Variants in HEATR5B observed in about 807,000 individuals in gnomAD.
HEATR5B encodes HEAT repeat-containing protein 5B.
In HEATR5B, 156 loss-of-function variants were observed where a neutral mutation model predicts 224.1. The ratio of observed to expected loss-of-function variants is 0.70; its 90% CI spans 0.61 to 0.80. HEATR5B has a LOEUF of 0.80. HEATR5B is among the 30% of genes least tolerant of loss of function. The pLI, the probability that HEATR5B is intolerant of heterozygous loss-of-function variation, is 0.00. For synonymous variants in HEATR5B, 1,027 were observed against 893.0 expected (o/e 1.15, Z -2.68); for missense variants, 2,323 against 2,535.5 (o/e 0.92, Z 1.80).
intron 30 of HEATR5B, among the ~76,000 whole-genome samples, chr2:37,005,402 T>A (rs1667346283): frequency 6.6e-6 from 1 of 152,100 alleles, no homozygotes; most frequent in Non-Finnish European, 1.5e-5. Flanking sequence ...TGTACCTATC[T>A]CCTAATTCAG....
intron 18 of HEATR5B, among the ~76,000 whole-genome samples, chr2:37,044,092 C>CT (rs1388880066): frequency 1.3e-5 from 2 of 152,076 alleles, no homozygotes; most frequent in Admixed American, 1.3e-4. Context: ...ATTTTACATT[C>CT]TTTTTTTGAA....
intron 13 of HEATR5B, 110 bp from the exon 14 acceptor site, chr2:37,058,670 T>C: frequency 1.3e-6 from 1 of 759,822 alleles, no homozygotes; most frequent in Non-Finnish European, 2.2e-6. Flanking sequence ...AAGTATACAC[T>C]TTCATTTTAG....
At chr2:37,029,163 G>C (rs1051936499) in intron 22 of HEATR5B, among the ~76,000 whole-genome samples, 1 of 152,176 alleles carries the variant, frequency 6.6e-6, no homozygotes, top group Non-Finnish European at 1.5e-5. Flanking sequence ...AAATCTCAGG[G>C]AACTCTCAAT....
chr2:37,051,369 A>AG (rs1670537949), intron 17 of HEATR5B, among the ~76,000 whole-genome samples: 1 of 151,770 alleles, frequency 6.6e-6, no homozygotes, highest in African/African-American at 2.4e-5. Flanking sequence ...AAAAAAAAAA[A>AG]AAAAAAAAAG....
chr2:37,011,398 G>A (rs959434489), intron 27 of HEATR5B, among the ~76,000 whole-genome samples: 25 of 152,182 alleles, frequency 1.6e-4, no homozygotes, highest in African/African-American at 5.3e-4. Flanking sequence ...TGCAGGCAAT[G>A]GGGAAGCAAG....
chr2:37,009,271 A>G (rs1173266623), intron 27 of HEATR5B, among the ~76,000 whole-genome samples: 1 of 151,214 alleles, frequency 6.6e-6, no homozygotes, highest in Non-Finnish European at 1.5e-5. Flanking sequence ...AAAAAAAAAA[A>G]AAAAAAAAAG....
intron 35 of HEATR5B, 108 bp downstream of exon 35, chr2:36,988,538 A>G: frequency 2.2e-6 from 2 of 922,298 alleles, no homozygotes; most frequent in Non-Finnish European, 3.2e-6. Context: ...GGGACTCCCA[A>G]AGTGTAAGCC....
intron 24 of HEATR5B, among the ~76,000 whole-genome samples, chr2:37,026,216 G>A (rs183432121): frequency 1.3e-5 from 2 of 152,078 alleles, no homozygotes; most frequent in African/African-American, 2.4e-5. Flanking sequence ...CAGGGAGTGC[G>A]GGCAGCATAT....
intron 14 of HEATR5B, 109 bp from the exon 15 acceptor site, chr2:37,057,589 C>T: frequency 1.5e-6 from 1 of 655,116 alleles, no homozygotes; most frequent in Non-Finnish European, 2.5e-6. Context: ...ATAATTAAGT[C>T]TCTGTTCTCT....
intron 6 of HEATR5B, among the ~76,000 whole-genome samples, chr2:37,071,633 T>C (rs1428567462): frequency 6.6e-6 from 1 of 152,040 alleles, no homozygotes; most frequent in Non-Finnish European, 1.5e-5. Flanking sequence ...CTGTACATTA[T>C]CATCACAAAA....
chr2:36,996,424 C>T (rs1321277365), intron 33 of HEATR5B, among the ~76,000 whole-genome samples: 3 of 148,368 alleles, frequency 2.0e-5, no homozygotes, highest in East Asian at 2.0e-4. Context: ...GTGTTCTTTT[C>T]TTTCTTTTTT....
At chr2:36,984,509 G>A (rs1242756425) in intron 35 of HEATR5B, among the ~76,000 whole-genome samples, 12 of 151,604 alleles carry the variant, frequency 7.9e-5, no homozygotes, top group Admixed American at 7.9e-4. Context: ...TCTATGAAGG[G>A]TAAAATCGGA....
intron 21 of HEATR5B, among the ~76,000 whole-genome samples, chr2:37,037,517 G>C (rs1669572982): frequency 6.6e-6 from 1 of 151,926 alleles, no homozygotes. Flanking sequence ...GAGAACACCA[G>C]TGAATAAAAT....
chr2:37,069,025 C>T (rs1671755006), intron 7 of HEATR5B, 95 bp from the exon 8 acceptor site: 5 of 1,255,204 alleles, frequency 4.0e-6, no homozygotes. Flanking sequence ...TAACAGCATG[C>T]TGAATGAATT....
chr2:37,057,010 C>T (rs1393919692), intron 15 of HEATR5B, among the ~76,000 whole-genome samples: 1 of 152,128 alleles, frequency 6.6e-6, no homozygotes. Context: ...CAACCTGTCA[C>T]AAAACAAAAC....
intron 27 of HEATR5B, among the ~76,000 whole-genome samples, chr2:37,011,967 G>A (rs1196853874): frequency 3.3e-5 from 5 of 151,934 alleles, no homozygotes; most frequent in Non-Finnish European, 7.4e-5. Context: ...TTCTAAAAAG[G>A]TTCTATATTT....
intron 32 of HEATR5B, among the ~76,000 whole-genome samples, chr2:37,001,741 G>A (rs1179453714): frequency 2.6e-5 from 4 of 151,208 alleles, no homozygotes; most frequent in African/African-American, 9.7e-5. Flanking sequence ...TCGGCTCACT[G>A]CAGCCTCTGC....
rs745686350 is a variant in HEATR5B, at chr2:37,053,604, T to C, written c.2403A>G (p.Leu801=). 1 of 1,591,026 alleles carries C rather than the reference T, an allele frequency of 6.3e-7. No homozygotes were observed. Among genetic ancestry groups the C allele is most frequent in the Admixed American group, 1.7e-5 (1 of 58,188 alleles). ...ATTCAGCAAAGTGATCCAACATTTGTAATCTATAACAATAAGAAAAAAAAA... is the reference window on the plus strand; with the variant it reads ...ATTCAGCAAAGTGATCCAACATTTGCAATCTATAACAATAAGAAAAAAAAA... The part of the protein sequence containing the change: ...VFPHVSYKHR[L]QMLDHFAECV... The change falls in exon 17 of 36, where the codon TTA becomes TTG. Residue 801 remains leucine (L), a synonymous_variant. Coordinates refer to ENST00000233099, the MANE Select transcript of HEATR5B (RefSeq NM_019024.3).
chr2:37,038,254 C>G (rs944893503), intron 20 of HEATR5B, among the ~76,000 whole-genome samples: 10 of 152,118 alleles, frequency 6.6e-5, no homozygotes, highest in Non-Finnish European at 1.5e-4. Flanking sequence ...ATTCTCCTGC[C>G]TCAGCCTCTG....
Sources: allele counts gnomAD v4.1 joint callset (sites outside exome capture counted in the v4.1 genomes callset), GRCh38; gene constraint gnomAD v4.1.1; transcripts MANE v1.5; gene names NCBI Gene and HGNC (gene_info 2026-07-23, HGNC 2026-07-21).